The following PCNX2 variants were observed in gnomAD, a reference collection of about 807,000 sequenced individuals.
PCNX2 encodes pecanex-like protein 2.
In PCNX2, 168 loss-of-function variants were observed where a neutral mutation model predicts 223.8. That is an observed-to-expected ratio of 0.75 (90% confidence interval 0.66 to 0.85). The LOEUF is 0.85. Ranked by LOEUF, PCNX2 falls within the 40% of genes least tolerant of loss-of-function variation. The probability of loss-of-function intolerance (pLI) is 0.00; values close to 1 mark genes in which losing one functional copy is unlikely to be tolerated. For missense variants in PCNX2, 2,507 were observed against 2,675.5 expected, an observed-to-expected ratio of 0.94 and a Z score of 1.39; for synonymous variants, 1,006 against 1,052.6, an observed-to-expected ratio of 0.96 and a Z score of 0.86.
At chr1:233,224,050 G>A (rs1321504671) in intron 10 of PCNX2, among the ~76,000 whole-genome samples, 1 of 152,096 alleles carries the variant, frequency 6.6e-6, no homozygotes, top group Non-Finnish European at 1.5e-5. Context: ...GTTCCATAAG[G>A]GCAGAGACAA....
In PCNX2 at chr1:233,295,455, C is replaced by A; in HGVS notation, c.24G>T (p.Leu8=). Reference sequence around the variant, plus strand: ...GCGCGGCCCACACGCCCTGCCGGAGCAGCTGCAGCACCTGGGACACCATGC... The same window carrying A: ...GCGCGGCCCACACGCCCTGCCGGAGAAGCTGCAGCACCTGGGACACCATGC... MVSQVLQ[L]LRQGVWAALT... Residue 8 remains leucine, a synonymous_variant, in exon 1 of 34, where the codon CTG becomes CTT. Coordinates refer to ENST00000258229, the MANE Select transcript of PCNX2 (RefSeq NM_014801.4). The surrounding 1 kb of genome is among the most constrained non-coding windows in gnomAD (Gnocchi z 4.1). 1.3e-6 allele frequency: 2 copies of A among 1,550,668 alleles called. No homozygotes were observed. Among genetic ancestry groups the A allele is most frequent in the South Asian group, 2.4e-5 (2 of 84,016 alleles).
intron 25 of PCNX2, among the ~76,000 whole-genome samples, chr1:233,035,321 T>C (rs1038485881): frequency 3.3e-5 from 5 of 152,222 alleles, no homozygotes; most frequent in African/African-American, 9.6e-5. Flanking sequence ...AATAATCAAA[T>C]TGGATTCTAC....
At chr1:233,192,555 T>C (rs1354518185) in intron 15 of PCNX2, among the ~76,000 whole-genome samples, 2 of 152,228 alleles carry the variant, frequency 1.3e-5, no homozygotes, top group Non-Finnish European at 2.9e-5. Flanking sequence ...AAAGCATTCT[T>C]AAAATGAGAT....
intron 13 of PCNX2, among the ~76,000 whole-genome samples, chr1:233,204,050 A>C (rs559198437): frequency 6.6e-6 from 1 of 152,294 alleles, no homozygotes; most frequent in South Asian, 2.1e-4. Context: ...AAAGATGTTG[A>C]AGTTCTAACT....
intron 32 of PCNX2, among the ~76,000 whole-genome samples, chr1:232,987,254 A>T (rs985098284): frequency 2.0e-5 from 3 of 152,224 alleles, no homozygotes; most frequent in Admixed American, 2.0e-4. Flanking sequence ...GACAAAAGGG[A>T]CTGGACTACC....
intron 10 of PCNX2, among the ~76,000 whole-genome samples, chr1:233,225,737 G>T (rs1240655310): frequency 2.0e-5 from 3 of 152,070 alleles, no homozygotes; most frequent in Non-Finnish European, 4.4e-5. Context: ...GACATGAAGG[G>T]TTAATGCAAG....
intron 10 of PCNX2, among the ~76,000 whole-genome samples, chr1:233,225,046 C>T (rs960208736): frequency 6.8e-6 from 1 of 147,886 alleles, no homozygotes; most frequent in Non-Finnish European, 1.5e-5. Flanking sequence ...CAGCAAACCA[C>T]CACGGCACAT....
intron 17 of PCNX2, among the ~76,000 whole-genome samples, chr1:233,163,195 C>T (rs538729767): frequency 6.6e-6 from 1 of 152,076 alleles, no homozygotes; most frequent in East Asian, 1.9e-4. Context: ...ATTTAAAGTG[C>T]ACAACTTAGG....
chr1:233,314,857 C>A, the PCNX2 span, among the ~76,000 whole-genome samples: 4 of 152,162 alleles, frequency 2.6e-5, no homozygotes, highest in African/African-American at 9.7e-5. Flanking sequence ...ACTCATTGAA[C>A]CCTCACCTTT....
chr1:233,094,109 A>C (rs1355207497), intron 22 of PCNX2, among the ~76,000 whole-genome samples: 1 of 152,238 alleles, frequency 6.6e-6, no homozygotes, highest in African/African-American at 2.4e-5. Context: ...GAATTCACCT[A>C]ACAAGGCATA....
At chr1:233,130,011 C>T (rs368987896) in intron 21 of PCNX2, among the ~76,000 whole-genome samples, 2 of 152,166 alleles carry the variant, frequency 1.3e-5, no homozygotes, top group African/African-American at 4.8e-5. Context: ...CGAAGGTCTG[C>T]AGCTTCACTC....
Position 233,072,671 on chromosome 1 carries a change from C to T in PCNX2, c.4077-15381G>A, listed in dbSNP as rs536227970. Among the ~76,000 whole-genome samples, 3 of 152,240 alleles carry T rather than the reference C, an allele frequency of 2.0e-5. No individual in the cohort carries two copies. The East Asian group carries it at 5.8e-4, about 29-fold the overall frequency. On this transcript the variant is annotated intron_variant, in intron 23 of 33. Transcript: ENST00000258229. ...GAAATGGTCAAGTGTGGTTTTCTCC[C>T]ATACTATTAATATAATCTATCATAT... is the stretch of plus-strand genomic sequence containing the variant.
At chr1:233,230,365 T>C (rs1057268474) in intron 9 of PCNX2, among the ~76,000 whole-genome samples, 1 of 152,178 alleles carries the variant, frequency 6.6e-6, no homozygotes, top group Admixed American at 6.5e-5. Flanking sequence ...AGGAGTTTCA[T>C]ATTCATCACT....
chr1:233,233,424 CTGTGTG>C (rs57458756), intron 9 of PCNX2, among the ~76,000 whole-genome samples: 4,548 of 140,276 alleles, frequency 0.032, 82 homozygotes, highest in African/African-American at 0.059. Context: ...TCCTCTTCTC[CTGTGTG>C]TGTGTGTGTG....
At chr1:233,144,900 C>T (rs533664478) in intron 19 of PCNX2, among the ~76,000 whole-genome samples, 1 of 150,370 alleles carries the variant, frequency 6.7e-6, no homozygotes, top group South Asian at 2.1e-4. Flanking sequence ...ATTACAACTT[C>T]TCATTTTTTC....
At chr1:233,160,553 C>T in intron 18 of PCNX2, 120 bp from the exon 19 acceptor site, 2 of 1,161,684 alleles carry the variant, frequency 1.7e-6, no homozygotes, top group South Asian at 3.1e-5. Flanking sequence ...TAGCCAGACT[C>T]AGTTCTTGTT....
intron 9 of PCNX2, among the ~76,000 whole-genome samples, chr1:233,229,580 A>G (rs1034677296): frequency 1.3e-5 from 2 of 152,202 alleles, no homozygotes; most frequent in Non-Finnish European, 2.9e-5. Context: ...GAATCCATGT[A>G]TGAGGCATAA....
intron 1 of PCNX2, among the ~76,000 whole-genome samples, chr1:233,264,624 A>G (rs1660236348): frequency 6.6e-6 from 1 of 152,222 alleles, no homozygotes; most frequent in Admixed American, 6.5e-5. Context: ...AAGTCCACAA[A>G]TAAATATAAA....
chr1:233,266,123 T>C (rs1660320833), intron 1 of PCNX2, among the ~76,000 whole-genome samples: 1 of 152,224 alleles, frequency 6.6e-6, no homozygotes, highest in Non-Finnish European at 1.5e-5. Flanking sequence ...ACAGAGATTT[T>C]ACTGAAAATT....
Sources: gnomAD v4.1 joint callset for allele counts (sites outside exome capture counted in the v4.1 genomes callset) on GRCh38, gnomAD v4.1.1 for gene constraint, Gnocchi (gnomAD v3.1) non-coding constraint, MANE v1.5 for transcripts, NCBI Gene and HGNC (gene_info 2026-07-23, HGNC 2026-07-21) for gene names.